SCN1A: variants seen among roughly 807,000 people sequenced by gnomAD.
The protein encoded by SCN1A is sodium voltage-gated channel alpha subunit 1, also known as sodium channel protein type 1 subunit alpha.
A neutral mutation model predicts 193.7 loss-of-function variants in SCN1A; 13 were observed. The ratio of observed to expected loss-of-function variants is 0.07; its 90% confidence interval spans 0.04 to 0.11. SCN1A has a LOEUF of 0.11. Ranked by LOEUF, SCN1A falls within the 10% of genes least tolerant of loss-of-function variation. The pLI is 1.00. For missense variants in SCN1A, 1,432 were observed against 2,451.1 expected (o/e 0.58, Z 8.78); for synonymous variants, 781 against 843.6 (o/e 0.93, Z 1.29).
intron 4 of SCN1A, among the ~76,000 whole-genome samples, chr2:166,070,993 C>T (rs889014652): frequency 6.6e-6 from 1 of 152,084 alleles, no homozygotes; most frequent in Non-Finnish European, 1.5e-5. Flanking sequence ...GGTGAGGACC[C>T]GGTGTCTGGG....
intron 19 of SCN1A, among the ~76,000 whole-genome samples, chr2:166,033,287 C>T (rs1456216540): frequency 2.0e-5 from 3 of 152,152 alleles, no homozygotes; most frequent in Non-Finnish European, 4.4e-5. Flanking sequence ...GGACTTCAGA[C>T]ACTATGCCCA....
intron 9 of SCN1A, among the ~76,000 whole-genome samples, chr2:166,049,159 A>G (rs1340229330): frequency 3.4e-5 from 3 of 87,732 alleles, no homozygotes; most frequent in African/African-American, 9.3e-5. Flanking sequence ...CATTATGAAG[A>G]AATGACATTA....
chr2:166,048,148 G>T (rs1698072212), intron 10 of SCN1A, among the ~76,000 whole-genome samples: 1 of 151,896 alleles, frequency 6.6e-6, no homozygotes, highest in Non-Finnish European at 1.5e-5. Context: ...TCCTCTTTTT[G>T]TATGTTTGCT....
rs1305737910 is a variant in SCN1A, at chr2:165,988,747, A to C, written c.*2498T>G. The C allele has an allele frequency of 6.6e-6, 1 of 152,212 alleles. No homozygotes were observed. Among genetic ancestry groups the C allele is most frequent in the African/African-American group, 2.4e-5 (1 of 41,456 alleles). 9.4% of individuals were successfully genotyped at this position (152,212 alleles called of 1,614,324 possible). On this transcript the variant is annotated 3_prime_UTR_variant, in exon 29 of 29. Transcript: ENST00000674923. Reference sequence around the variant, plus strand: ...GGGACACACAGAATGATGCAGAAGCAGAGAGAGTGGCTCTGGAGGAGCAAA... The same window carrying C: ...GGGACACACAGAATGATGCAGAAGCCGAGAGAGTGGCTCTGGAGGAGCAAA...
chr2:166,108,731 T>C (rs1001544342), intron 2 of SCN1A, among the ~76,000 whole-genome samples: 4 of 152,170 alleles, frequency 2.6e-5, no homozygotes, highest in African/African-American at 9.6e-5. Context: ...TGCATGATTC[T>C]ATTCATATAA....
chr2:166,000,896 T>G (rs1256624582), intron 24 of SCN1A, among the ~76,000 whole-genome samples: 3 of 101,246 alleles, frequency 3.0e-5, no homozygotes, highest in Admixed American at 1.2e-4. Context: ...TTTTAGAGGG[T>G]TTTTTTTTTT....
intron 2 of SCN1A, among the ~76,000 whole-genome samples, chr2:166,125,612 A>C (rs1441610630): frequency 6.6e-6 from 1 of 152,120 alleles, no homozygotes; most frequent in East Asian, 1.9e-4. Context: ...CTATACAAGG[A>C]ACTAGAATGT....
chr2:166,138,861 G>A (rs1480767983), intron 1 of SCN1A, among the ~76,000 whole-genome samples: 1 of 152,188 alleles, frequency 6.6e-6, no homozygotes, highest in African/African-American at 2.4e-5. Flanking sequence ...CTAGGAGGGA[G>A]TCTGTACCCT....
intron 2 of SCN1A, among the ~76,000 whole-genome samples, chr2:166,115,093 C>T (rs557853298): frequency 3.9e-5 from 6 of 152,190 alleles, no homozygotes; most frequent in Non-Finnish European, 7.4e-5. Flanking sequence ...GAGCTAGGCA[C>T]GGTAGCTCAC....
At chr2:166,142,728 C>A (rs575512676) in intron 1 of SCN1A, among the ~76,000 whole-genome samples, 1 of 152,140 alleles carries the variant, frequency 6.6e-6, no homozygotes, top group Non-Finnish European at 1.5e-5. Flanking sequence ...ATGGTTTGGC[C>A]GTGTCCCCAC....
At chr2:166,129,573 T>C (rs1248538683), upstream of SCN1A, among the ~76,000 whole-genome samples, 2 of 151,964 alleles carry the variant, frequency 1.3e-5, no homozygotes, top group African/African-American at 4.8e-5. Flanking sequence ...TCTGGTAGAG[T>C]CAGGGCAAAG....
At chr2:166,130,971 A>G (rs1691635655), upstream of SCN1A, among the ~76,000 whole-genome samples, 1 of 152,152 alleles carries the variant, frequency 6.6e-6, no homozygotes, top group South Asian at 2.1e-4. Flanking sequence ...TCACTACTAC[A>G]CTTATCCCAT....
intron 1 of SCN1A, among the ~76,000 whole-genome samples, chr2:166,147,503 G>T (rs1692371416): frequency 6.6e-6 from 1 of 152,102 alleles, no homozygotes; most frequent in African/African-American, 2.4e-5. Flanking sequence ...TAGACAATTT[G>T]AACACTGACA....
At chr2:166,078,101 A>G (rs1257693992) in intron 2 of SCN1A, among the ~76,000 whole-genome samples, 1 of 151,812 alleles carries the variant, frequency 6.6e-6, no homozygotes, top group Non-Finnish European at 1.5e-5. Context: ...ATGTCATTAT[A>G]CATTTGTGCA....
intron 21 of SCN1A, among the ~76,000 whole-genome samples, chr2:166,013,073 A>G (rs368039592): frequency 6.6e-6 from 1 of 151,434 alleles, no homozygotes; most frequent in East Asian, 1.9e-4. Context: ...TTTTCTATCT[A>G]TGGTATTTCC....
At chr2:166,062,393 T>G (rs1015306686) in intron 4 of SCN1A, among the ~76,000 whole-genome samples, 4 of 152,170 alleles carry the variant, frequency 2.6e-5, no homozygotes, top group Admixed American at 6.5e-5. Context: ...TTATGTTTGT[T>G]TATTTCCTCA....
intron 2 of SCN1A, chr2:166,092,661 C>G (rs1421545157): frequency 6.6e-6 from 1 of 152,010 alleles, no homozygotes; most frequent in Non-Finnish European, 1.5e-5. Context: ...CCACCATGCT[C>G]AGGTAGGAAA....
At chr2:166,081,644 C>T (rs1431344018) in intron 2 of SCN1A, 1 of 151,668 alleles carries the variant, frequency 6.6e-6, no homozygotes, top group Non-Finnish European at 1.5e-5. Flanking sequence ...ACTCTGATGC[C>T]ATTGTGTATT....
In SCN1A at chr2:166,123,223, C is replaced by CAAAAA. The variant is rs57488795; in HGVS notation, c.-142+3696_-142+3700dup. On this transcript the variant is annotated intron_variant, in intron 2 of 28. Coordinates refer to ENST00000674923, the MANE Select transcript of SCN1A (RefSeq NM_001165963.4). ...AATCACATTCCTACTCATTCATTTG[C>CAAAAA]AAAAAAAAAAAAAAAAAAAAAAAAA... 7.0e-4 allele frequency among the ~76,000 whole-genome samples: 81 copies of CAAAAA among 116,398 alleles called. 2 individuals carry two copies. The highest frequency in any genetic ancestry group is 2.1e-3 in the African/African-American group (62 of 28,984). 76.4% of individuals were successfully genotyped at this position (116,398 alleles called of 152,430 possible). A position where few individuals can be genotyped will look rare whatever the true frequency, so the allele number is the denominator to read the frequency against.
Sources: gnomAD v4.1 joint callset for allele counts (sites outside exome capture counted in the v4.1 genomes callset) on GRCh38, gnomAD v4.1.1 for gene constraint, MANE v1.5 for transcripts, NCBI Gene and HGNC (gene_info 2026-07-23, HGNC 2026-07-21) for gene names.